USP43: variants seen among roughly 807,000 people sequenced by gnomAD.
USP43 encodes the protein ubiquitin specific peptidase 43.
Under a neutral mutation model 90.7 loss-of-function variants are expected in USP43, and 33 were observed. The observed-to-expected ratio is 0.36, with a 90% CI of 0.28 to 0.49. The LOEUF is 0.49. Among genes scored for constraint, USP43 ranks in the 20% least tolerant of loss-of-function variants. USP43 has a pLI of 0.98. For missense variants in USP43, 1,274 were observed against 1,476.4 expected, an observed-to-expected ratio of 0.86 and a Z score of 2.25; for synonymous variants, 598 against 615.8, an observed-to-expected ratio of 0.97 and a Z score of 0.43.
intron 2 of USP43, among the ~76,000 whole-genome samples, chr17:9,664,925 G>C (rs9912318): frequency 0.023 from 3,477 of 152,246 alleles, 109 homozygotes; most frequent in African/African-American, 0.07. Context: ...GCGTGAGCCA[G>C]CGCGCCCAGT....
At chr17:9,722,998 G>A (rs914447827) in intron 14 of USP43, among the ~76,000 whole-genome samples, 23 of 152,274 alleles carry the variant, frequency 1.5e-4, no homozygotes, top group African/African-American at 5.5e-4. Flanking sequence ...TTGAGGTGGT[G>A]GGTCTGGTTC....
chr17:9,686,611 T>C lies in USP43; in HGVS notation c.1242-187T>C, dbSNP rs1197145257. ...TGGCTACGTGTGTCATTTTGAGAAA[T>C]GTCTATTCAGACCCTTTGCCCATTT... On this transcript the variant is annotated intron_variant, in intron 7 of 14. Coordinates refer to ENST00000285199, the MANE Select transcript of USP43 (RefSeq NM_153210.5). The surrounding 1 kb of genome is among the most constrained non-coding windows in gnomAD (Gnocchi z 5.5). Among the ~76,000 whole-genome samples, 2 of 152,226 alleles carry C rather than the reference T, an allele frequency of 1.3e-5. No individual in the cohort carries two copies. Among genetic ancestry groups the C allele is most frequent in the East Asian group, 3.8e-4 (2 of 5,204 alleles).
intron 7 of USP43, 22 bp downstream of exon 7, chr17:9,682,980 T>G (rs551071587): frequency 5.6e-6 from 9 of 1,608,722 alleles, no homozygotes; most frequent in Non-Finnish European, 6.8e-6. Context: ...TTTATTCTTT[T>G]TTCATGTGGT....
At chr17:9,720,853 A>G (rs1266970530) in intron 14 of USP43, among the ~76,000 whole-genome samples, 1 of 152,158 alleles carries the variant, frequency 6.6e-6, no homozygotes, top group Non-Finnish European at 1.5e-5. Flanking sequence ...GTGGGGCGCA[A>G]GGATGCTAAG....
Position 9,729,379 on chromosome 17 carries a change from C to CT in USP43, c.*401dup, listed in dbSNP as rs752329642. On this transcript the variant is annotated 3_prime_UTR_variant, in exon 15 of 15. Coordinates refer to ENST00000285199, the MANE Select transcript of USP43 (RefSeq NM_153210.5). The stretch of plus-strand genomic sequence containing the variant: ...TGTCAATGGCTTTTCCTTTTTCTTT[C>CT]TTTTTTTTTTTTAAATTGTGGACTT... 1,717 of 135,514 alleles carry CT rather than the reference C, an allele frequency of 0.013. 19 individuals carry two copies. The highest frequency in any genetic ancestry group is 0.016 in the Non-Finnish European group (981 of 62,660). The allele number at this position is 135,514 out of a possible 1,614,324, so 8.4% of individuals were successfully genotyped here. A position where few individuals can be genotyped will look rare whatever the true frequency, so the allele number is the denominator to read the frequency against.
At chr17:9,673,123 C>A (rs1384121767) in intron 3 of USP43, among the ~76,000 whole-genome samples, 1 of 152,176 alleles carries the variant, frequency 6.6e-6, no homozygotes, top group East Asian at 1.9e-4. Flanking sequence ...GGATTAGTAA[C>A]ATAGCATGCA....
At chr17:9,712,613 AG>A (rs1467361537) in intron 14 of USP43, among the ~76,000 whole-genome samples, 3 of 152,120 alleles carry the variant, frequency 2.0e-5, no homozygotes, top group African/African-American at 7.2e-5. Context: ...GCTGGGAGTG[AG>A]CATTGGATGT....
chr17:9,667,480 T>C (rs1483786323), intron 3 of USP43, among the ~76,000 whole-genome samples: 1 of 152,250 alleles, frequency 6.6e-6, no homozygotes, highest in Non-Finnish European at 1.5e-5. Context: ...TTTGAGCTTT[T>C]ATATGTGAAA....
At chr17:9,726,682 G>C (rs1917290517) in intron 14 of USP43, among the ~76,000 whole-genome samples, 1 of 152,144 alleles carries the variant, frequency 6.6e-6, no homozygotes, top group Non-Finnish European at 1.5e-5. Flanking sequence ...TTGGGGACTA[G>C]AGCTTCAATG....
At chr17:9,676,174 A>G (rs1913760466) in intron 4 of USP43, among the ~76,000 whole-genome samples, 1 of 152,188 alleles carries the variant, frequency 6.6e-6, no homozygotes, top group African/African-American at 2.4e-5. Context: ...GTTTAAGCTT[A>G]TCTATTTAAC....
At chr17:9,681,335 A>T (rs28538788) in intron 6 of USP43, among the ~76,000 whole-genome samples, 2 of 114,708 alleles carry the variant, frequency 1.7e-5, no homozygotes, top group African/African-American at 3.4e-5. Flanking sequence ...TATATAAATA[A>T]ATATATATAT....
At chr17:9,649,935 A>G (rs1911743105) in intron 1 of USP43, among the ~76,000 whole-genome samples, 1 of 152,106 alleles carries the variant, frequency 6.6e-6, no homozygotes, top group Non-Finnish European at 1.5e-5. Flanking sequence ...CTTTATGGAG[A>G]TCTATGGTTA....
intron 2 of USP43, among the ~76,000 whole-genome samples, chr17:9,660,957 C>T (rs536666993): frequency 2.9e-4 from 44 of 152,342 alleles, no homozygotes; most frequent in Non-Finnish European, 5.3e-4. Flanking sequence ...GATTATCCGG[C>T]GTGAAACTTC....
chr17:9,713,853 G>C (rs1009547834), intron 14 of USP43, among the ~76,000 whole-genome samples: 21 of 152,208 alleles, frequency 1.4e-4, no homozygotes, highest in African/African-American at 4.1e-4. Context: ...CCATTCTGGA[G>C]GGAAGTCAAG....
At position 9,654,357 on chromosome 17, in the gene USP43, G is replaced by A. The variant is rs115589829; in HGVS notation, c.505-2046G>A. On this transcript the variant is annotated intron_variant, in intron 1 of 14. Transcript: ENST00000285199. Reference sequence around the variant, plus strand: ...GAATCAACATGCAGAGAAGCCTGGGGGAAGAATCCAAACTAATGTGATTGA... The same window carrying A: ...GAATCAACATGCAGAGAAGCCTGGGAGAAGAATCCAAACTAATGTGATTGA... Among the ~76,000 whole-genome samples, 715 of 152,196 alleles carry A rather than the reference G, an allele frequency of 4.7e-3. 5 individuals carry two copies. Among genetic ancestry groups the A allele is most frequent in the Middle Eastern group, 0.017 (5 of 294 alleles).
chr17:9,660,284 G>A (rs1912554313), intron 2 of USP43, among the ~76,000 whole-genome samples: 1 of 152,098 alleles, frequency 6.6e-6, no homozygotes, highest in Non-Finnish European at 1.5e-5. Context: ...CTGAGTAGCT[G>A]GAACTACAGG....
chr17:9,666,267 C>T (rs140695790), intron 2 of USP43, among the ~76,000 whole-genome samples: 375 of 152,172 alleles, frequency 2.5e-3, no homozygotes, highest in African/African-American at 8.3e-3. Context: ...GGTGTGGATG[C>T]GTTTGAGGTG....
intron 4 of USP43, among the ~76,000 whole-genome samples, chr17:9,676,239 T>C (rs554355956): frequency 2.6e-5 from 4 of 152,294 alleles, no homozygotes; most frequent in East Asian, 3.9e-4. Context: ...AAATACTTTT[T>C]CCCCCAATTC....
rs562766436 is a variant in USP43 at position 9,712,324 on chromosome 17, C to T, written c.2335+192C>T. On this transcript the variant is annotated intron_variant, in intron 14 of 14. Coordinates refer to ENST00000285199, the MANE Select transcript of USP43 (RefSeq NM_153210.5). ...CCCGCTTCTCCCCATCCTCTACCCT[C>T]CAGCCACAGGTACCTTTTCTCTGCC... is the stretch of plus-strand genomic sequence containing the variant. Among the ~76,000 whole-genome samples, 3 of 152,266 alleles carry T rather than the reference C, an allele frequency of 2.0e-5. No individual in the cohort carries two copies. In the South Asian group the frequency reaches 6.2e-4, roughly 32 times the overall value.
Sources: gnomAD v4.1 joint callset for allele counts (sites outside exome capture counted in the v4.1 genomes callset) on GRCh38, gnomAD v4.1.1 for gene constraint, Gnocchi (gnomAD v3.1) non-coding constraint, MANE v1.5 for transcripts, NCBI Gene and HGNC (gene_info 2026-07-23, HGNC 2026-07-21) for gene names.